The following HIVEP3 variants were observed in gnomAD, a reference collection of about 807,000 sequenced individuals.
HIVEP3 encodes the protein transcription factor HIVEP3.
HIVEP3 carries 49 observed loss-of-function variants against 152.8 expected under a neutral mutation model. The ratio of observed to expected loss-of-function variants is 0.32; its 90% CI spans 0.26 to 0.41. The LOEUF is 0.41. Ranked by LOEUF, HIVEP3 falls within the 10% of genes least tolerant of loss-of-function variation. HIVEP3 has a pLI of 1.00. For missense variants in HIVEP3, 2,790 were observed against 3,103.3 expected, an observed-to-expected ratio of 0.90 and a Z score of 2.40; for synonymous variants, 1,269 against 1,289.0, an observed-to-expected ratio of 0.98 and a Z score of 0.33.
intron 5 of HIVEP3, among the ~76,000 whole-genome samples, chr1:41,531,842 A>AGAGATGGAAGACGG (rs369278160): frequency 0.23 from 5,803 of 25,708 alleles, 2,442 homozygotes; most frequent in East Asian, 0.92. Context: ...GGAGGACAGG[A>AGAGATGGAAGACGG]GAGATGGAAG....
chr1:41,955,720 G>A (rs549846902), intron 1 of HIVEP3, among the ~76,000 whole-genome samples: 1 of 152,304 alleles, frequency 6.6e-6, no homozygotes, highest in East Asian at 1.9e-4. Flanking sequence ...TAATGAACGT[G>A]TGACTCAGAG....
At chr1:41,606,265 T>A (rs150690944) in intron 3 of HIVEP3, among the ~76,000 whole-genome samples, 132 of 152,128 alleles carry the variant, frequency 8.7e-4, no homozygotes, top group Admixed American at 2.2e-3. Context: ...TGCGATTTTC[T>A]GATCTATCAA....
intron 2 of HIVEP3, among the ~76,000 whole-genome samples, chr1:41,661,716 G>C (rs548132238): frequency 5.9e-5 from 9 of 152,244 alleles, no homozygotes; most frequent in Non-Finnish European, 1.2e-4. Context: ...CTCCCGCCGG[G>C]TGTGCCGTGT....
intron 1 of HIVEP3, among the ~76,000 whole-genome samples, chr1:41,931,351 C>A (rs930395995): frequency 2.0e-5 from 3 of 151,942 alleles, no homozygotes; most frequent in Non-Finnish European, 4.4e-5. Context: ...TGTTCCAACA[C>A]CATTTGTTGA....
rs183585285 is a variant in HIVEP3 at position 41,641,206 on chromosome 1, C to T, written c.-720-12259G>A. ...AGCAGGTGGAGGCCTCGGGAGATCC[C>T]GGGGACTACAGAACCTCCACCACTG... On this transcript the variant is annotated intron_variant, in intron 2 of 8. Coordinates refer to ENST00000372583, the MANE Select transcript of HIVEP3 (RefSeq NM_024503.5). Among the ~76,000 whole-genome samples, 12 of 152,344 alleles carry T rather than the reference C, an allele frequency of 7.9e-5. No homozygotes were observed. The East Asian group carries it at 2.1e-3, about 27-fold the overall frequency.
chr1:41,999,119 C>T (rs1465790754), intron 1 of HIVEP3, among the ~76,000 whole-genome samples: 1 of 151,884 alleles, frequency 6.6e-6, no homozygotes, highest in Non-Finnish European at 1.5e-5. Flanking sequence ...TGGTCTTGAT[C>T]TCTTGACCTC....
At chr1:41,954,393 G>A (rs1012206071) in intron 1 of HIVEP3, among the ~76,000 whole-genome samples, 8 of 152,126 alleles carry the variant, frequency 5.3e-5, no homozygotes, top group Non-Finnish European at 1.2e-4. Flanking sequence ...TTTTAAAAAC[G>A]GATTATTAAG....
chr1:41,767,745 G>A (rs1294665880), intron 1 of HIVEP3, among the ~76,000 whole-genome samples: 1 of 152,204 alleles, frequency 6.6e-6, no homozygotes, highest in Non-Finnish European at 1.5e-5. Flanking sequence ...CCTGTTTTAT[G>A]TCAGGAACCC....
chr1:41,510,693 A>G lies in HIVEP3; in HGVS notation c.6979T>C (p.Ser2327Pro), dbSNP rs1455108742. The G allele has an allele frequency of 6.6e-7, 1 of 1,525,534 alleles. No homozygotes were observed. The highest frequency in any genetic ancestry group is 2.4e-5 in the East Asian group (1 of 41,342). The allele number at this position is 1,525,534 out of a possible 1,614,324, so 94.5% of individuals were successfully genotyped here. ...GGGGACTCCAAGCGGGGGCTCCAGG[A>G]CTGCGCTGCCCGGCGTCCCTGGGGC... ...RPPQGRRAAQSWSPRLESPRA... is the reference protein window; with the variant it reads ...RPPQGRRAAQPWSPRLESPRA... Residue 2327 changes from serine to proline, a missense_variant, in exon 9 of 9, where the codon TCC (serine) becomes CCC (proline). Coordinates refer to ENST00000372583, the MANE Select transcript of HIVEP3 (RefSeq NM_024503.5).
intron 1 of HIVEP3, among the ~76,000 whole-genome samples, chr1:42,017,709 T>C (rs770953848): frequency 2.6e-5 from 4 of 152,200 alleles, no homozygotes; most frequent in Non-Finnish European, 5.9e-5. Context: ...TTATGAATAT[T>C]ATGAATGCTA....
At chr1:41,699,120 C>T (rs570098065) in intron 2 of HIVEP3, among the ~76,000 whole-genome samples, 3 of 152,344 alleles carry the variant, frequency 2.0e-5, no homozygotes, top group African/African-American at 4.8e-5. Context: ...CTCACTCCAT[C>T]GCAGGGCTGA....
chr1:41,597,912 G>C (rs2149121547), intron 3 of HIVEP3, among the ~76,000 whole-genome samples: 1 of 152,306 alleles, frequency 6.6e-6, no homozygotes, highest in East Asian at 1.9e-4. Context: ...GATGCTTGTA[G>C]CTAATTCACC....
intron 1 of HIVEP3, among the ~76,000 whole-genome samples, chr1:41,903,285 T>G (rs1644655357): frequency 6.6e-6 from 1 of 152,286 alleles, no homozygotes; most frequent in Non-Finnish European, 1.5e-5. Flanking sequence ...GGATGATGAT[T>G]AAGAGTTGAG....
intron 5 of HIVEP3, among the ~76,000 whole-genome samples, chr1:41,547,641 C>A (rs372455299): frequency 6.6e-6 from 1 of 152,148 alleles, no homozygotes; most frequent in Non-Finnish European, 1.5e-5. Flanking sequence ...CTGGGCCAGG[C>A]GTTAGGGCCA....
intron 1 of HIVEP3, among the ~76,000 whole-genome samples, chr1:41,778,146 TA>T (rs1648826501): frequency 1.3e-5 from 2 of 152,176 alleles, no homozygotes; most frequent in South Asian, 4.1e-4. Context: ...ATTTTCTCCT[TA>T]TCTTCGGTAA....
chr1:41,727,638 C>T (rs1422949679), intron 1 of HIVEP3, among the ~76,000 whole-genome samples: 21 of 152,254 alleles, frequency 1.4e-4, no homozygotes, highest in Admixed American at 1.4e-3. Flanking sequence ...TGTTTCCTCT[C>T]TTCTCAGAGG....
intron 1 of HIVEP3, among the ~76,000 whole-genome samples, chr1:41,964,859 T>C (rs1456374610): frequency 6.6e-6 from 1 of 152,256 alleles, no homozygotes; most frequent in Non-Finnish European, 1.5e-5. Flanking sequence ...CTGGGCAGTC[T>C]GGGCAAGCGG....
Position 41,628,951 on chromosome 1 carries a change from C to G in HIVEP3, c.-720-4G>C. The G allele has an allele frequency of 8.1e-7, 1 of 1,230,084 alleles. No homozygotes were observed. The highest frequency in any genetic ancestry group is 4.2e-5 in the South Asian group (1 of 23,650). 76.2% of individuals were successfully genotyped at this position (1,230,084 alleles called of 1,614,324 possible). ...TGCTGGGTTTGTGCCTCGAATCCTG[C>G]AGGAGATGATTGAGAAACATGGTCA... On this transcript the variant is annotated splice_region_variant and splice_polypyrimidine_tract_variant and intron_variant, in intron 2 of 8. Coordinates refer to ENST00000372583, the MANE Select transcript of HIVEP3 (RefSeq NM_024503.5).
chr1:41,773,583 A>G (rs1648510891), intron 1 of HIVEP3, among the ~76,000 whole-genome samples: 1 of 152,198 alleles, frequency 6.6e-6, no homozygotes, highest in Non-Finnish European at 1.5e-5. Context: ...GCACACATCC[A>G]CTTCAGCCAA....
Sources: gnomAD v4.1 joint callset for allele counts (sites outside exome capture counted in the v4.1 genomes callset) on GRCh38, gnomAD v4.1.1 for gene constraint, MANE v1.5 for transcripts, NCBI Gene and HGNC (gene_info 2026-07-23, HGNC 2026-07-21) for gene names.